Variants in RARB observed in about 807,000 individuals in gnomAD.
The protein encoded by RARB is HBV-activated protein.
A neutral mutation model predicts 51.9 loss-of-function variants in RARB; 17 were observed. That is an observed-to-expected ratio of 0.33 (90% confidence interval 0.22 to 0.49). The LOEUF (loss-of-function observed/expected upper bound fraction) is 0.49, where lower values mean the gene tolerates loss of function less well. Among genes scored for constraint, RARB ranks in the 20% least tolerant of loss-of-function variants. RARB has a pLI of 0.99. For missense variants in RARB, 369 were observed against 550.8 expected (o/e 0.67, Z 3.30); for synonymous variants, 215 against 195.4 (o/e 1.10, Z -0.84).
At chr3:25,484,811 T>C (rs1158528082) in intron 2 of RARB, among the ~76,000 whole-genome samples, 3 of 152,140 alleles carry the variant, frequency 2.0e-5, no homozygotes, top group Non-Finnish European at 4.4e-5. Context: ...TAAGGTGTAG[T>C]TTACAAAATG....
At chr3:24,972,885 C>T (rs1363099216) in intron 2 of RARB, among the ~76,000 whole-genome samples, 1 of 151,796 alleles carries the variant, frequency 6.6e-6, no homozygotes, top group Non-Finnish European at 1.5e-5. Context: ...TTAATAATCC[C>T]TTGTCATATA....
Position 25,296,986 on chromosome 3 carries a change from G to C in RARB, c.178+122411G>C, listed in dbSNP as rs989479682. On this transcript the variant is annotated intron_variant, in intron 5 of 11. Transcript: ENST00000383772. ...AAGATTCCTAGAGACTTTGAGTTTTGTGTAGGGCTCTCATTTCCTACCTAG... is the reference window on the plus strand; with the variant it reads ...AAGATTCCTAGAGACTTTGAGTTTTCTGTAGGGCTCTCATTTCCTACCTAG... Among the ~76,000 whole-genome samples, 4 of 152,128 alleles carry C rather than the reference G, an allele frequency of 2.6e-5. No individual in the cohort carries two copies. In the South Asian group the frequency reaches 8.3e-4, roughly 31 times the overall value.
At chr3:25,171,520 A>G (rs1018946049) in intron 4 of RARB, among the ~76,000 whole-genome samples, 1 of 136,374 alleles carries the variant, frequency 7.3e-6, no homozygotes, top group Non-Finnish European at 1.6e-5. Context: ...AAGCCCAGAC[A>G]TGATACCAGA....
intron 4 of RARB, among the ~76,000 whole-genome samples, chr3:25,165,321 C>A (rs1000349202): frequency 6.6e-6 from 1 of 152,026 alleles, no homozygotes; most frequent in Non-Finnish European, 1.5e-5. Flanking sequence ...TGCCACCTTG[C>A]TTTTCTGTAT....
At chr3:24,889,935 A>G (rs1703345680) in intron 2 of RARB, among the ~76,000 whole-genome samples, 1 of 151,950 alleles carries the variant, frequency 6.6e-6, no homozygotes, top group Non-Finnish European at 1.5e-5. Flanking sequence ...AAAAAGACTC[A>G]AAAGTTTCTT....
chr3:25,570,339 AC>A (rs1448687205), intron 4 of RARB, among the ~76,000 whole-genome samples: 2 of 152,150 alleles, frequency 1.3e-5, no homozygotes, highest in African/African-American at 4.8e-5. Context: ...ACCCAGGGGG[AC>A]GGGGCCTGAT....
chr3:24,977,389 A>G (rs554328056), intron 2 of RARB, among the ~76,000 whole-genome samples: 1 of 152,210 alleles, frequency 6.6e-6, no homozygotes, highest in African/African-American at 2.4e-5. Flanking sequence ...CTTCCTACCC[A>G]TGAGCGTGGA....
chr3:24,927,158 A>G lies in RARB; in HGVS notation c.-380+68406A>G, dbSNP rs187453906. On this transcript the variant is annotated intron_variant, in intron 2 of 11. Transcript: ENST00000383772. ...AACCATTTTTTCCTTATAGTGTCAA[A>G]TATTTCATCCAATAAATTTGTTATT... 4.6e-5 allele frequency among the ~76,000 whole-genome samples: 7 copies of G among 152,242 alleles called. No homozygotes were observed. The East Asian group carries it at 1.4e-3, about 29-fold the overall frequency.
chr3:25,427,674 G>C (rs1708033612), upstream of RARB, among the ~76,000 whole-genome samples: 1 of 152,170 alleles, frequency 6.6e-6, no homozygotes, highest in African/African-American at 2.4e-5. Context: ...AGTCAATTCA[G>C]CCAGGGGCTT....
At chr3:25,411,308 G>A (rs1283955046) in intron 5 of RARB, among the ~76,000 whole-genome samples, 2 of 152,022 alleles carry the variant, frequency 1.3e-5, no homozygotes, top group South Asian at 2.1e-4. Context: ...CAGAGACCAG[G>A]TTTTGGTGAA....
chr3:25,082,180 A>G lies in RARB; in HGVS notation c.-328+22004A>G, dbSNP rs1157998858. Among the ~76,000 whole-genome samples the G allele has an allele frequency of 3.3e-5, 5 of 152,022 alleles. No individual in the cohort carries two copies. The South Asian group carries it at 8.3e-4, about 25-fold the overall frequency. ...AAGTGTAAAATATTTTTGCTTTTAA[A>G]GAGTGTAGAAGTGGAACTTACCTTT... On this transcript the variant is annotated intron_variant, in intron 3 of 11. Transcript: ENST00000383772.
chr3:25,285,120 T>A (rs1347219420), intron 5 of RARB, among the ~76,000 whole-genome samples: 1 of 152,200 alleles, frequency 6.6e-6, no homozygotes, highest in African/African-American at 2.4e-5. Flanking sequence ...GCTGAGAGCA[T>A]CATTACCTCA....
intron 1 of RARB, among the ~76,000 whole-genome samples, chr3:25,431,627 C>A (rs1018311942): frequency 6.6e-6 from 1 of 152,114 alleles, no homozygotes; most frequent in Non-Finnish European, 1.5e-5. Context: ...TAGGATAAAT[C>A]TTAATATTTT....
At chr3:25,245,629 C>T (rs1230751085) in intron 5 of RARB, among the ~76,000 whole-genome samples, 2 of 152,128 alleles carry the variant, frequency 1.3e-5, no homozygotes, top group Non-Finnish European at 2.9e-5. Context: ...TGAATATTGG[C>T]CCCCACTCTC....
chr3:25,030,758 G>A (rs1207362367), intron 2 of RARB, among the ~76,000 whole-genome samples: 2 of 152,090 alleles, frequency 1.3e-5, no homozygotes, highest in Non-Finnish European at 2.9e-5. Context: ...TGTCATGTTC[G>A]GGTGCTCTCT....
At chr3:25,081,401 T>C (rs959615230) in intron 3 of RARB, among the ~76,000 whole-genome samples, 29 of 150,796 alleles carry the variant, frequency 1.9e-4, no homozygotes, top group Admixed American at 4.0e-4. Flanking sequence ...GGTTGTGGAA[T>C]ATAGTGCTTT....
At chr3:25,576,668 G>A (rs1656463) in intron 4 of RARB, among the ~76,000 whole-genome samples, 20,201 of 152,142 alleles carry the variant, frequency 0.13, 1,555 homozygotes, top group Non-Finnish European at 0.18. Flanking sequence ...GGAAATACTC[G>A]AAAGATTCTA....
intron 2 of RARB, among the ~76,000 whole-genome samples, chr3:25,042,789 ATTCTT>A (rs761080652): frequency 6.6e-6 from 1 of 152,300 alleles, no homozygotes; most frequent in Non-Finnish European, 1.5e-5. Context: ...AAGTTTTTCA[ATTCTT>A]TTAAGTTGAA....
At chr3:24,996,480 A>G (rs1697042496) in intron 2 of RARB, among the ~76,000 whole-genome samples, 1 of 151,310 alleles carries the variant, frequency 6.6e-6, no homozygotes, top group South Asian at 2.1e-4. Context: ...TGATTTTACT[A>G]TTTTCTTCTA....
Sources: gnomAD v4.1 joint callset for allele counts (sites outside exome capture counted in the v4.1 genomes callset) on GRCh38, gnomAD v4.1.1 for gene constraint, MANE v1.5 for transcripts, NCBI Gene and HGNC (gene_info 2026-07-23, HGNC 2026-07-21) for gene names.